The following SOX18 variants were observed in gnomAD, a reference collection of about 807,000 sequenced individuals.
The protein encoded by SOX18 is SRY-box transcription factor 18.
In SOX18, 2 loss-of-function variants were observed where a neutral mutation model predicts 9.1. That is an observed-to-expected ratio of 0.22 (90% CI 0.09 to 0.69). The LOEUF (loss-of-function observed/expected upper bound fraction) is 0.69. Among genes scored for constraint, SOX18 ranks in the 30% least tolerant of loss-of-function variants. The pLI is 0.80. For missense variants in SOX18, 542 were observed against 567.3 expected (o/e 0.96, Z 0.45); for synonymous variants, 292 against 280.5 (o/e 1.04, Z -0.41).
Position 64,048,062 on chromosome 20 carries a change from C to G in SOX18, c.*104G>C, listed in dbSNP as rs1022357421. ...CTCCTAGGGGGCTGTGACATGGAAC[C>G]AAACATACACGCGTATGAGAGAGCA... On this transcript the variant is annotated 3_prime_UTR_variant, in exon 2 of 2. Coordinates refer to ENST00000340356, the MANE Select transcript of SOX18 (RefSeq NM_018419.3). 1 of 1,166,170 alleles carries G rather than the reference C, an allele frequency of 8.6e-7. No individual in the cohort carries two copies. The highest frequency in any genetic ancestry group is 1.3e-5 in the South Asian group (1 of 75,938). 72.2% of individuals were successfully genotyped at this position (1,166,170 alleles called of 1,614,324 possible). A position where few individuals can be genotyped will look rare whatever the true frequency, so the allele number is the denominator to read the frequency against.
chr20:64,049,128 C>A, intron 1 of SOX18, 31 bp downstream of exon 1: 1 of 1,318,888 alleles, frequency 7.6e-7, no homozygotes, highest in Non-Finnish European at 1.0e-6. Context: ...CCCGCCCTCT[C>A]CCCCTTCTCT....
In SOX18 at chr20:64,049,569, CG is replaced by C. The variant is rs2059422823; in HGVS notation, c.-54del. 9.8e-7 allele frequency: 1 copy of C among 1,022,028 alleles called. No homozygotes were observed. The highest frequency in any genetic ancestry group is 1.2e-6 in the Non-Finnish European group (1 of 851,370). 63.3% of individuals were successfully genotyped at this position (1,022,028 alleles called of 1,614,324 possible). A position where few individuals can be genotyped will look rare whatever the true frequency, so the allele number is the denominator to read the frequency against. Reference sequence around the variant, plus strand: ...GGAGCGCGGGAGCGCGGCGGGCGGGCGGCGGGCACTGGGGAGCCGGGCGCAA... The same window carrying C: ...GGAGCGCGGGAGCGCGGCGGGCGGGCGCGGGCACTGGGGAGCCGGGCGCAA... On this transcript the variant is annotated 5_prime_UTR_variant, in exon 1 of 2. Coordinates refer to ENST00000340356, the MANE Select transcript of SOX18 (RefSeq NM_018419.3).
In SOX18 at chr20:64,047,683, CAA is replaced by C. The variant is rs773069634; in HGVS notation, c.*481_*482del. 1.3e-5 allele frequency: 2 copies of C among 154,964 alleles called. No homozygotes were observed. The highest frequency in any genetic ancestry group is 1.9e-4 in the East Asian group (1 of 5,228). The allele number at this position is 154,964 out of a possible 1,614,324, so 9.6% of individuals were successfully genotyped here. Reference sequence around the variant, plus strand: ...GCAAACATCTGTATTCCTCACATTGCAAAAGTCTTTGCCACAGTGACGCTTCT... The same window carrying C: ...GCAAACATCTGTATTCCTCACATTGCAAGTCTTTGCCACAGTGACGCTTCT... On this transcript the variant is annotated 3_prime_UTR_variant, in exon 2 of 2. Transcript: ENST00000340356.
intron 1 of SOX18, 68 bp downstream of exon 1, chr20:64,049,091 C>CCT (rs1555924414): frequency 1.1e-6 from 1 of 877,476 alleles, no homozygotes; most frequent in Admixed American, 4.7e-5. Context: ...CCCCTGCCCC[C>CCT]CCCGCCCCAC....
rs748336067 is a variant in SOX18 at position 64,048,262 on chromosome 20, G to A, written c.1059C>T (p.Gly353=). The A allele has an allele frequency of 9.4e-6, 15 of 1,594,440 alleles. No individual in the cohort carries two copies. The East Asian group carries it at 1.8e-4, about 19-fold the overall frequency. The change falls in exon 2 of 2, where the codon GGC becomes GGT. Residue 353 remains glycine (G), a synonymous_variant. Transcript: ENST00000340356. Reference sequence around the variant, plus strand: ...CCTCTGGGCAGGACATGGCGCGCGGGCCCAGTTTGGCCAGTGCCACGTGGT... The same window carrying A: ...CCTCTGGGCAGGACATGGCGCGCGGACCCAGTTTGGCCAGTGCCACGTGGT... ...LPYHVALAKL[G]PRAMSCPEES...
chr20:64,049,305 G>T lies in SOX18; in HGVS notation c.212C>A (p.Pro71Gln). The change falls in exon 1 of 2, where the codon CCG (proline) becomes CAG (glutamine). Residue 71 changes from proline (P) to glutamine (Q), a missense_variant. Coordinates refer to ENST00000340356, the MANE Select transcript of SOX18 (RefSeq NM_018419.3). ...SPEPGRYGLS[P>Q]AGRGERQAAD... is the part of the protein sequence containing the mutation. Reference sequence around the variant, plus strand: ...CGCCTGGCGTTCCCCGCGGCCGGCCGGGCTGAGGCCATAGCGCCCCGGCTC... The same window carrying T: ...CGCCTGGCGTTCCCCGCGGCCGGCCTGGCTGAGGCCATAGCGCCCCGGCTC... The T allele has an allele frequency of 6.8e-7, 1 of 1,476,200 alleles. No individual in the cohort carries two copies. The allele number at this position is 1,476,200 out of a possible 1,614,324, so 91.4% of individuals were successfully genotyped here.
Position 64,048,867 on chromosome 20 carries a change from A to G in SOX18, c.454T>C (p.Tyr152His). The change falls in exon 2 of 2, where the codon TAC (tyrosine) becomes CAC (histidine). Residue 152 changes from tyrosine (Y) to histidine (H), a missense_variant. By Grantham distance (83) the Tyr-to-His change is moderately conservative. Transcript: ENST00000340356. ...TTCTTGCGGCGCGGCCGGTACTTGT[A>G]GTTGGGGTGGTCGCGCAAGTGCTGC... ...RVQHLRDHPN[Y>H]KYRPRRKKQA... is the part of the protein sequence containing the mutation. The G allele has an allele frequency of 6.3e-7, 1 of 1,593,210 alleles. No individual in the cohort carries two copies. The highest frequency in any genetic ancestry group is 8.5e-7 in the Non-Finnish European group (1 of 1,174,930).
chr20:64,049,634 G>T lies in SOX18; in HGVS notation c.-118C>A. 1 of 593,444 alleles carries T rather than the reference G, an allele frequency of 1.7e-6. No individual in the cohort carries two copies. The highest frequency in any genetic ancestry group is 2.1e-6 in the Non-Finnish European group (1 of 470,432). The allele number at this position is 593,444 out of a possible 1,614,324, so 36.8% of individuals were successfully genotyped here. A position where few individuals can be genotyped will look rare whatever the true frequency, so the allele number is the denominator to read the frequency against. ...CGGGAGGGCGGATGGCGGTGGGGACGGCGGTGGCCTCGGGCCGGGCGGGCG... is the reference window on the plus strand; with the variant it reads ...CGGGAGGGCGGATGGCGGTGGGGACTGCGGTGGCCTCGGGCCGGGCGGGCG... On this transcript the variant is annotated 5_prime_UTR_variant, in exon 1 of 2. Coordinates refer to ENST00000340356, the MANE Select transcript of SOX18 (RefSeq NM_018419.3).
In SOX18 at chr20:64,048,926, C is replaced by T. The variant is rs1431910682; in HGVS notation, c.395G>A (p.Arg132Gln). The change falls in exon 2 of 2, where the codon CGG becomes CAG. Residue 132 changes from arginine (R) to glutamine (Q), a missense_variant. Coordinates refer to ENST00000340356, the MANE Select transcript of SOX18 (RefSeq NM_018419.3). ...AWKELNAAEK[R>Q]PFVEEAERLR... is the part of the protein sequence containing the mutation. ...CCGTTCGGCTTCCTCCACGAAGGGC[C>T]GCTTCTCCGCCGCGTTCAGCTCCTT... The T allele has an allele frequency of 1.2e-5, 19 of 1,596,158 alleles. No individual in the cohort carries two copies. The highest frequency in any genetic ancestry group is 1.5e-5 in the Non-Finnish European group (18 of 1,176,172).
In SOX18 at chr20:64,048,402, C is replaced by T. The variant is rs775955680; in HGVS notation, c.919G>A (p.Glu307Lys). The T allele has an allele frequency of 2.0e-6, 3 of 1,516,516 alleles. No individual in the cohort carries two copies. The highest frequency in any genetic ancestry group is 2.6e-6 in the Non-Finnish European group (3 of 1,136,698). 93.9% of individuals were successfully genotyped at this position (1,516,516 alleles called of 1,614,324 possible). Residue 307 changes from glutamate to lysine, a missense_variant, in exon 2 of 2, where the codon GAG becomes AAG. Transcript: ENST00000340356. ...LSPPPEAPPL[E>K]SAEPLGPAAD... Reference sequence around the variant, plus strand: ...GCGGGCCCCAGCGGCTCGGCGCTCTCCAGCGGCGGGGCCTCGGGCGGCGGC... The same window carrying T: ...GCGGGCCCCAGCGGCTCGGCGCTCTTCAGCGGCGGGGCCTCGGGCGGCGGC...
Position 64,049,281 on chromosome 20 carries a change from G to T in SOX18, c.236C>A (p.Ala79Glu). Reference sequence around the variant, plus strand: ...CCGCCGGATGCGCGACTCGTCTGCCGCCTGGCGTTCCCCGCGGCCGGCCGG... The same window carrying T: ...CCGCCGGATGCGCGACTCGTCTGCCTCCTGGCGTTCCCCGCGGCCGGCCGG... ...LSPAGRGERQ[A>E]ADESRIRRPM... is the part of the protein sequence containing the mutation. The change falls in exon 1 of 2, where the codon GCG becomes GAG. Residue 79 changes from alanine (A) to glutamate (E), a missense_variant. Physicochemically the swap from Ala to Glu is moderately radical, Grantham distance 107. Coordinates refer to ENST00000340356, the MANE Select transcript of SOX18 (RefSeq NM_018419.3). 5.3e-6 allele frequency: 8 copies of T among 1,504,350 alleles called. No homozygotes were observed. The highest frequency in any genetic ancestry group is 1.2e-5 in the South Asian group (1 of 85,580). The allele number at this position is 1,504,350 out of a possible 1,614,324, so 93.2% of individuals were successfully genotyped here.
At position 64,048,757 on chromosome 20, in the gene SOX18, G is replaced by T. The variant is rs1162490829; in HGVS notation, c.564C>A (p.Pro188=). 1 of 1,460,386 alleles carries T rather than the reference G, an allele frequency of 6.8e-7. No homozygotes were observed. Among genetic ancestry groups the T allele is most frequent in the Admixed American group, 2.5e-5 (1 of 40,422 alleles). The allele number at this position is 1,460,386 out of a possible 1,614,324, so 90.5% of individuals were successfully genotyped here. A position where few individuals can be genotyped will look rare whatever the true frequency, so the allele number is the denominator to read the frequency against. Residue 188 remains proline (P), a synonymous_variant, in exon 2 of 2, where the codon CCC becomes CCA. Transcript: ENST00000340356. ...AGGCGCGAGCCGAGCCAGACGCCGCGGGGAAAGGCTCGGGCGGTGGCTGCG... is the reference window on the plus strand; with the variant it reads ...AGGCGCGAGCCGAGCCAGACGCCGCTGGGAAAGGCTCGGGCGGTGGCTGCG... ...APPQPPPEPF[P]AASGSARAFR... is the part of the protein sequence containing the mutation.
chr20:64,049,546 A>G lies in SOX18; in HGVS notation c.-30T>C. On this transcript the variant is annotated 5_prime_UTR_variant, in exon 1 of 2. Coordinates refer to ENST00000340356, the MANE Select transcript of SOX18 (RefSeq NM_018419.3). ...GCTGGGCGCGGCCTGGGCGGAACGG[A>G]GCGCGGGAGCGCGGCGGGCGGGCGG... 9.7e-7 allele frequency: 1 copy of G among 1,031,508 alleles called. No homozygotes were observed. Among genetic ancestry groups the G allele is most frequent in the South Asian group, 4.4e-5 (1 of 22,620 alleles). 63.9% of individuals were successfully genotyped at this position (1,031,508 alleles called of 1,614,324 possible). A position where few individuals can be genotyped will look rare whatever the true frequency, so the allele number is the denominator to read the frequency against.
In SOX18 at chr20:64,048,512, A is replaced by G; in HGVS notation, c.809T>C (p.Leu270Pro). The G allele has an allele frequency of 1.6e-6, 2 of 1,221,706 alleles. No homozygotes were observed. The highest frequency in any genetic ancestry group is 1.6e-5 in the African/African-American group (1 of 62,772). 75.7% of individuals were successfully genotyped at this position (1,221,706 alleles called of 1,614,324 possible). Reference sequence around the variant, plus strand: ...CGGCGCCGCGGGGGGCGCGGTCCTGAGCGCCTCCGCCAGGGGAGCCCCGTA... The same window carrying G: ...CGGCGCCGCGGGGGGCGCGGTCCTGGGCGCCTCCGCCAGGGGAGCCCCGTA... ...GCYGAPLAEA[L>P]RTAPPAAPLA... The change falls in exon 2 of 2, where the codon CTC becomes CCC. Residue 270 changes from leucine (L) to proline (P), a missense_variant. Transcript: ENST00000340356.
In SOX18 at chr20:64,048,290, G is replaced by C; in HGVS notation, c.1031C>G (p.Pro344Arg). 6.3e-7 allele frequency: 1 copy of C among 1,596,188 alleles called. No homozygotes were observed. Among genetic ancestry groups the C allele is most frequent in the Non-Finnish European group, 8.5e-7 (1 of 1,172,514 alleles). The change falls in exon 2 of 2, where the codon CCG becomes CGG. Residue 344 changes from proline to arginine, a missense_variant. Pro to Arg is a moderately radical substitution (Grantham distance 103). Transcript: ENST00000340356. Reference sequence around the variant, plus strand: ...CAGTTTGGCCAGTGCCACGTGGTACGGGAGCCCGGGGGCGTCGGGCCGAGT... The same window carrying C: ...CAGTTTGGCCAGTGCCACGTGGTACCGGAGCCCGGGGGCGTCGGGCCGAGT... ...SRTRPDAPGL[P>R]YHVALAKLGP...
Position 64,048,129 on chromosome 20 carries a change from G to T in SOX18, c.*37C>A. On this transcript the variant is annotated 3_prime_UTR_variant, in exon 2 of 2. Coordinates refer to ENST00000340356, the MANE Select transcript of SOX18 (RefSeq NM_018419.3). The stretch of plus-strand genomic sequence containing the variant: ...GTCGGATCGGTCGCGGGGGCTGCGG[G>T]AGGAAGCGCTGCAGGGACCCGGGCG... The T allele has an allele frequency of 6.6e-7, 1 of 1,520,530 alleles. No individual in the cohort carries two copies. The highest frequency in any genetic ancestry group is 2.4e-5 in the East Asian group (1 of 40,892). 94.2% of individuals were successfully genotyped at this position (1,520,530 alleles called of 1,614,324 possible).
chr20:64,049,086 G>GCCCC, intron 1 of SOX18, 73 bp downstream of exon 1: 13 of 832,302 alleles, frequency 1.6e-5, no homozygotes, highest in East Asian at 7.9e-5. Context: ...CGGGACCCCT[G>GCCCC]CCCCCCCCGC....
chr20:64,048,976 G>T lies in SOX18; in HGVS notation c.359-14C>A. 1 of 1,576,370 alleles carries T rather than the reference G, an allele frequency of 6.3e-7. No homozygotes were observed. The highest frequency in any genetic ancestry group is 2.3e-5 in the East Asian group (1 of 42,648). On this transcript the variant is annotated splice_polypyrimidine_tract_variant and intron_variant, in intron 1 of 1. Transcript: ENST00000340356. ...TCCACGCTTTGCCTGCGGGCCGTGG[G>T]CGCCAGTGAGTGGAACGCCGTCGGG...
In SOX18 at chr20:64,048,195, C is replaced by A. The variant is rs1347361797; in HGVS notation, c.1126G>T (p.Val376Phe). The change falls in exon 2 of 2, where the codon GTC becomes TTC. Residue 376 changes from valine (V) to phenylalanine (F), a missense_variant. By Grantham distance (50) the Val-to-Phe change is conservative. Coordinates refer to ENST00000340356, the MANE Select transcript of SOX18 (RefSeq NM_018419.3). ...ISALSDASSA[V>F]YYSACISG ...CCGGAGATGCACGCGCTGTAATAGA[C>A]CGCGCTGCTGGCGTCCGACAGCGCG... is the stretch of plus-strand genomic sequence containing the variant. The A allele has an allele frequency of 6.4e-7, 1 of 1,566,132 alleles. No individual in the cohort carries two copies. The highest frequency in any genetic ancestry group is 8.6e-7 in the Non-Finnish European group (1 of 1,158,864).
Sources: gnomAD v4.1 joint callset for allele counts on GRCh38, gnomAD v4.1.1 for gene constraint, MANE v1.5 for transcripts, NCBI Gene and HGNC (gene_info 2026-07-23, HGNC 2026-07-21) for gene names.